Variants in SLC24A4 observed in about 807,000 individuals in gnomAD.
SLC24A4 encodes the protein sodium/potassium/calcium exchanger 4.
A neutral mutation model predicts 79.0 loss-of-function variants in SLC24A4; 53 were observed. The ratio of observed to expected loss-of-function variants is 0.67; its 90% confidence interval spans 0.54 to 0.84. SLC24A4 has a LOEUF of 0.84. Among genes scored for constraint, SLC24A4 ranks in the 40% least tolerant of loss-of-function variants. The pLI, the probability that SLC24A4 is intolerant of heterozygous loss-of-function variation, is 0.00. For missense variants in SLC24A4, 731 were observed against 822.0 expected (o/e 0.89, Z 1.35); for synonymous variants, 323 against 323.8 (o/e 1.00, Z 0.03).
chr14:92,439,551 T>G (rs1219307963), intron 4 of SLC24A4, 142 bp downstream of exon 4: 1 of 760,006 alleles, frequency 1.3e-6, no homozygotes, highest in Non-Finnish European at 2.2e-6. Context: ...GTCTGCCCCA[T>G]GGCGAAGCCT....
intron 2 of SLC24A4, chr14:92,408,286 G>A: frequency 1.9e-6 from 1 of 523,904 alleles, no homozygotes; most frequent in Non-Finnish European, 2.4e-6. Flanking sequence ...ATCTGTTATT[G>A]TGTTTGTTGT....
chr14:92,411,983 G>A (rs1323177671), intron 2 of SLC24A4, among the ~76,000 whole-genome samples: 2 of 152,072 alleles, frequency 1.3e-5, no homozygotes, highest in Non-Finnish European at 2.9e-5. Context: ...AAAGATGAGA[G>A]GTGATCAGCT....
intron 2 of SLC24A4, among the ~76,000 whole-genome samples, chr14:92,327,695 C>T (rs1023824043): frequency 1.3e-5 from 2 of 152,148 alleles, no homozygotes; most frequent in African/African-American, 2.4e-5. Context: ...GACGGGGATC[C>T]CTTTCTTATG....
At position 92,499,598 on chromosome 14, in the gene SLC24A4, G is replaced by A. The variant is rs1896070027; in HGVS notation, c.*5970G>A. On this transcript the variant is annotated 3_prime_UTR_variant, in exon 17 of 17. Transcript: ENST00000532405. ...GTGCAGTGGCTTGATCACAGCTCAC[G>A]AAAGCCTCAAACTCCTAGGCTCAAG... The A allele has an allele frequency of 2.1e-5, 3 of 145,556 alleles. No individual in the cohort carries two copies. The highest frequency in any genetic ancestry group is 6.9e-5 in the Admixed American group (1 of 14,416). 9.0% of individuals were successfully genotyped at this position (145,556 alleles called of 1,614,324 possible). A position where few individuals can be genotyped will look rare whatever the true frequency, so the allele number is the denominator to read the frequency against.
At chr14:92,371,157 A>G (rs1888128729) in intron 2 of SLC24A4, among the ~76,000 whole-genome samples, 1 of 152,236 alleles carries the variant, frequency 6.6e-6, no homozygotes, top group Non-Finnish European at 1.5e-5. Context: ...GAAAAAGAAC[A>G]GCCTAAAAAA....
At chr14:92,381,271 G>A (rs897969251) in intron 2 of SLC24A4, among the ~76,000 whole-genome samples, 3 of 152,172 alleles carry the variant, frequency 2.0e-5, no homozygotes, top group Non-Finnish European at 4.4e-5. Flanking sequence ...GTGAGTTCAT[G>A]TCCTTTGCAG....
intron 3 of SLC24A4, among the ~76,000 whole-genome samples, 175 bp from the exon 4 acceptor site, chr14:92,439,160 C>G (rs796841898): frequency 2.0e-5 from 3 of 152,344 alleles, no homozygotes; most frequent in African/African-American, 7.2e-5. Context: ...CTCAGTTTCC[C>G]CATTTGCCAA....
intron 2 of SLC24A4, among the ~76,000 whole-genome samples, chr14:92,366,310 A>T (rs1887835887): frequency 6.6e-6 from 1 of 152,174 alleles, no homozygotes. Flanking sequence ...TGGTGGGCAG[A>T]TGGTCCTGAG....
intron 2 of SLC24A4, among the ~76,000 whole-genome samples, chr14:92,374,950 A>AT (rs1566723688): frequency 6.6e-6 from 1 of 152,208 alleles, no homozygotes; most frequent in Non-Finnish European, 1.5e-5. Context: ...TAAAGAGGCC[A>AT]TTTTTTCATT....
Position 92,441,476 on chromosome 14 carries a change from G to A in SLC24A4, c.394-613G>A, listed in dbSNP as rs535096811. Among the ~76,000 whole-genome samples the A allele has an allele frequency of 1.1e-4, 17 of 152,324 alleles. No homozygotes were observed. The South Asian group carries it at 3.3e-3, about 30-fold the overall frequency. On this transcript the variant is annotated intron_variant, in intron 4 of 16. Transcript: ENST00000532405. The surrounding 1 kb of genome is among the most constrained non-coding windows in gnomAD (Gnocchi z 4.6). ...GGATGTCAGGCCTGCCGTGGAGAAG[G>A]CCTTCCAGAATGCAAGGCCCAGCTG...
At chr14:92,445,280 TCCCA>T in intron 7 of SLC24A4, 33 bp from the exon 8 acceptor site, 2 of 1,613,386 alleles carry the variant, frequency 1.2e-6, no homozygotes, top group Non-Finnish European at 1.7e-6. Flanking sequence ...AATAAATATG[TCCCA>T]CCCACCTCAA....
chr14:92,363,868 G>T (rs1595167792), intron 2 of SLC24A4, among the ~76,000 whole-genome samples: 2 of 151,940 alleles, frequency 1.3e-5, no homozygotes, highest in African/African-American at 4.8e-5. Flanking sequence ...AACAATCTCA[G>T]CCTGGCATCT....
intron 2 of SLC24A4, among the ~76,000 whole-genome samples, chr14:92,413,843 G>C (rs1890847358): frequency 1.3e-5 from 2 of 152,200 alleles, no homozygotes; most frequent in Admixed American, 1.3e-4. Context: ...TGTGGGTAGA[G>C]ATAGGCAAAA....
chr14:92,328,490 G>A (rs1199411010), intron 2 of SLC24A4, among the ~76,000 whole-genome samples: 1 of 152,254 alleles, frequency 6.6e-6, no homozygotes. Flanking sequence ...ACTAGATGAG[G>A]CAGGGCCATT....
chr14:92,407,907 TTTTTGGCCAGGTG>T (rs1890490740), intron 2 of SLC24A4, among the ~76,000 whole-genome samples: 2 of 140,624 alleles, frequency 1.4e-5, no homozygotes, highest in Admixed American at 1.4e-4. Context: ...GTGTATTTAT[TTTTTGGCCAGGTG>T]TGTTTCCAGT....
intron 2 of SLC24A4, among the ~76,000 whole-genome samples, chr14:92,415,048 A>C (rs1445291907): frequency 6.6e-6 from 1 of 151,148 alleles, no homozygotes; most frequent in Non-Finnish European, 1.5e-5. Flanking sequence ...ATGGTGTTGG[A>C]CTCATGGTTG....
rs73324120 is a variant in SLC24A4 at position 92,478,922 on chromosome 14, G to A, written c.1256-3758G>A. Among the ~76,000 whole-genome samples the A allele has an allele frequency of 4.7e-3, 715 of 152,134 alleles. 6 individuals are homozygous for A. Among genetic ancestry groups the A allele is most frequent in the African/African-American group, 0.016 (670 of 41,518 alleles). ...AGCATACAAATTCTCTACTACTTTT[G>A]TTGCATAAATGTTAGGTTTTTAAAT... On this transcript the variant is annotated intron_variant, in intron 12 of 16. Coordinates refer to ENST00000532405, the MANE Select transcript of SLC24A4 (RefSeq NM_153646.4).
At chr14:92,464,298 A>G (rs1893973290) in intron 12 of SLC24A4, among the ~76,000 whole-genome samples, 1 of 152,110 alleles carries the variant, frequency 6.6e-6, no homozygotes, top group Non-Finnish European at 1.5e-5. Flanking sequence ...TGCCCAAGGG[A>G]CAGTCTTGAC....
At chr14:92,344,183 G>T (rs1297453056) in intron 2 of SLC24A4, among the ~76,000 whole-genome samples, 1 of 152,208 alleles carries the variant, frequency 6.6e-6, no homozygotes, top group African/African-American at 2.4e-5. Flanking sequence ...TGATGTCTGA[G>T]CAGAAGCTTT....
Sources: gnomAD v4.1 joint callset for allele counts (sites outside exome capture counted in the v4.1 genomes callset) on GRCh38, gnomAD v4.1.1 for gene constraint, Gnocchi (gnomAD v3.1) non-coding constraint, MANE v1.5 for transcripts, NCBI Gene and HGNC (gene_info 2026-07-23, HGNC 2026-07-21) for gene names.